CATSPERT: variants seen among roughly 807,000 people sequenced by gnomAD.
CATSPERT encodes the protein cation channel sperm-associated targeting subunit tau.
the CATSPERT span, among the ~76,000 whole-genome samples, chr2:201,571,021 T>C: frequency 6.6e-6 from 1 of 152,152 alleles, no homozygotes; most frequent in African/African-American, 2.4e-5. Flanking sequence ...GGCATCATCA[T>C]AGTAATTATT....
At chr2:201,610,930 GA>G in the CATSPERT span, among the ~76,000 whole-genome samples, 1 of 151,868 alleles carries the variant, frequency 6.6e-6, no homozygotes, top group Admixed American at 6.6e-5. Context: ...ATCCCTTCAT[GA>G]TAAAAAAAAA....
the CATSPERT span, among the ~76,000 whole-genome samples, chr2:201,561,070 C>G: frequency 6.6e-6 from 1 of 152,180 alleles, no homozygotes; most frequent in Non-Finnish European, 1.5e-5. Flanking sequence ...CGTGAGCCAC[C>G]ACGCCCGGCC....
the CATSPERT span, among the ~76,000 whole-genome samples, chr2:201,556,322 A>T: frequency 5.0e-4 from 76 of 151,998 alleles, 2 homozygotes; most frequent in Non-Finnish European, 1.0e-4. Flanking sequence ...ATCCTGGCTA[A>T]CACGGTGAAA....
At chr2:201,550,883 AC>A in the CATSPERT span, 1 of 152,150 alleles carries the variant, frequency 6.6e-6, no homozygotes, top group South Asian at 2.1e-4. Context: ...CAAAAGCAAC[AC>A]TGGCCCACTT....
At chr2:201,571,917 A>G in the CATSPERT span, 1 of 1,601,214 alleles carries the variant, frequency 6.2e-7, no homozygotes, top group Non-Finnish European at 8.6e-7. Flanking sequence ...ATCTGACCAT[A>G]TTAACGAGAC....
chr2:201,497,396 C>T, the CATSPERT span, among the ~76,000 whole-genome samples: 5 of 152,278 alleles, frequency 3.3e-5, no homozygotes, highest in East Asian at 7.7e-4. Context: ...CCAAATCTCT[C>T]TTAAACACAG....
chr2:201,498,044 G>A, the CATSPERT span, among the ~76,000 whole-genome samples: 3 of 152,060 alleles, frequency 2.0e-5, no homozygotes, highest in Non-Finnish European at 4.4e-5. Context: ...GTAAAATCAG[G>A]GGGGTCTGAG....
chr2:201,581,631 G>T, the CATSPERT span, among the ~76,000 whole-genome samples: 7 of 117,460 alleles, frequency 6.0e-5, no homozygotes, highest in Non-Finnish European at 1.0e-4. Flanking sequence ...TTTTCCAGAC[G>T]GAGTATTGCT....
chr2:201,546,059 A>G, the CATSPERT span, among the ~76,000 whole-genome samples: 2 of 152,182 alleles, frequency 1.3e-5, no homozygotes, highest in Non-Finnish European at 2.9e-5. Context: ...TATAAGGTAA[A>G]GTGATCAGTG....
At chr2:201,611,013 A>G in the CATSPERT span, among the ~76,000 whole-genome samples, 1 of 152,358 alleles carries the variant, frequency 6.6e-6, no homozygotes, top group Admixed American at 6.5e-5. Flanking sequence ...CCTGGCTAAC[A>G]TCATACTGAA....
chr2:201,491,464 A>G, the CATSPERT span: 3 of 1,537,016 alleles, frequency 2.0e-6, no homozygotes, highest in Non-Finnish European at 2.6e-6. Context: ...ATCTGGTTTT[A>G]TATAAAGAGT....
the CATSPERT span, among the ~76,000 whole-genome samples, chr2:201,490,718 G>T: frequency 3.3e-5 from 5 of 152,176 alleles, no homozygotes; most frequent in East Asian, 7.7e-4. Flanking sequence ...AAGTTTCAGA[G>T]GAATTTTTTT....
At chr2:201,494,655 G>A in the CATSPERT span, 1 of 1,536,656 alleles carries the variant, frequency 6.5e-7, no homozygotes, top group Non-Finnish European at 8.7e-7. Context: ...CTGCACCTAA[G>A]ATATTTCTAT....
the CATSPERT span, among the ~76,000 whole-genome samples, chr2:201,496,404 A>G: frequency 3.9e-5 from 6 of 152,192 alleles, no homozygotes; most frequent in Non-Finnish European, 4.4e-5. Flanking sequence ...GTGCAGTGGC[A>G]TGATCTTGGC....
the CATSPERT span, chr2:201,492,114 C>T: frequency 1.8e-5 from 28 of 1,526,628 alleles, no homozygotes; most frequent in East Asian, 2.2e-4. Flanking sequence ...TCTCTCGAAT[C>T]AATTCTGCTT....
chr2:201,531,677 C>G, the CATSPERT span, among the ~76,000 whole-genome samples: 1 of 152,068 alleles, frequency 6.6e-6, no homozygotes, highest in African/African-American at 2.4e-5. Context: ...CTGAGAAGAT[C>G]CGCAGGGGAG....
the CATSPERT span, chr2:201,618,799 A>G: frequency 1.1e-6 from 1 of 913,928 alleles, no homozygotes; most frequent in Non-Finnish European, 1.6e-6. Flanking sequence ...TTGAAGGGAG[A>G]TGCAATTGGC....
chr2:201,537,375 T>C, the CATSPERT span: 2 of 1,317,070 alleles, frequency 1.5e-6, no homozygotes, highest in Middle Eastern at 2.6e-4. Context: ...TCTCCATTTA[T>C]AAATATTTTA....
chr2:201,592,861 T>A, the CATSPERT span, among the ~76,000 whole-genome samples: 5 of 152,186 alleles, frequency 3.3e-5, no homozygotes, highest in African/African-American at 1.2e-4. Context: ...ATCTATTTGA[T>A]TCTTCTCTCT....
Sources: allele counts gnomAD v4.1 joint callset (sites outside exome capture counted in the v4.1 genomes callset), GRCh38; gene constraint gnomAD v4.1.1; transcripts MANE v1.5; gene names NCBI Gene and HGNC (gene_info 2026-07-23, HGNC 2026-07-21).